PARP3: variants seen among roughly 807,000 people sequenced by gnomAD.
PARP3 encodes the protein protein mono-ADP-ribosyltransferase PARP3.
PARP3 carries 46 observed loss-of-function variants against 58.2 expected under a neutral mutation model. That is an observed-to-expected ratio of 0.79 (90% confidence interval 0.62 to 1.01). The LOEUF (loss-of-function observed/expected upper bound fraction) is 1.01. Among genes scored for constraint, PARP3 ranks in the 50% least tolerant of loss-of-function variants. The pLI, the probability that PARP3 is intolerant of heterozygous loss-of-function variation, is 0.00. For missense variants in PARP3, 663 were observed against 683.9 expected (o/e 0.97, Z 0.34); for synonymous variants, 252 against 266.4 (o/e 0.95, Z 0.53).
At position 51,943,291 on chromosome 3, in the gene PARP3, G is replaced by C. The variant is rs1336525207; in HGVS notation, c.-2-63G>C. The C allele has an allele frequency of 4.8e-6, 7 of 1,449,714 alleles. No individual in the cohort carries two copies. In the Admixed American group the frequency reaches 1.8e-4, roughly 37 times the overall value. The allele number at this position is 1,449,714 out of a possible 1,614,324, so 89.8% of individuals were successfully genotyped here. On this transcript the variant is annotated intron_variant, in intron 1 of 10. Transcript: ENST00000398755. Reference sequence around the variant, plus strand: ...GGCCCAGGGCAGGGGTGGGGACTGAGAGTGGGTCGTTGGGGATGAGGAGAC... The same window carrying C: ...GGCCCAGGGCAGGGGTGGGGACTGACAGTGGGTCGTTGGGGATGAGGAGAC...
In PARP3 at chr3:51,945,496, T is replaced by C. The variant is rs1699654580; in HGVS notation, c.863T>C (p.Val288Ala). The C allele has an allele frequency of 1.9e-6, 3 of 1,613,290 alleles. No homozygotes were observed. The highest frequency in any genetic ancestry group is 2.5e-6 in the Non-Finnish European group (3 of 1,179,710). Residue 288 changes from valine (V) to alanine (A), a missense_variant and splice_region_variant, in exon 7 of 11, where the codon GTG becomes GCG. Physicochemically the swap from Val to Ala is moderately conservative, Grantham distance 64. Around this residue, in one of 3 missense-constraint regions of PARP3, gnomAD observed 567 missense variants for 553.6 expected, o/e 1.02. Transcript: ENST00000398755. Reference sequence around the variant, plus strand: ...AACTGCCAGGGCCCATCATCCTAGGTGCTGGCGGACATCGAGCTGGCCCAG... The same window carrying C: ...AACTGCCAGGGCCCATCATCCTAGGCGCTGGCGGACATCGAGCTGGCCCAG... The part of the protein sequence containing the change: ...LLQAKKDMLL[V>A]LADIELAQAL...
intron 9 of PARP3, 42 bp from the exon 10 acceptor site, chr3:51,947,698 G>T (rs1265736821): frequency 6.2e-7 from 1 of 1,610,464 alleles, no homozygotes; most frequent in Non-Finnish European, 8.5e-7. Context: ...GTCAGCAGGA[G>T]GCAGGCTGAG....
At chr3:51,943,607 C>T (rs192352054) in intron 2 of PARP3, 69 bp downstream of exon 2, 1 of 1,420,506 alleles carries the variant, frequency 7.0e-7, no homozygotes, top group Non-Finnish European at 9.7e-7. Context: ...CAGGCCACCC[C>T]CTTAGGACTC....
At position 51,944,831 on chromosome 3, in the gene PARP3, G is replaced by A. The variant is rs780018178; in HGVS notation, c.555G>A (p.Leu185=). The A allele has an allele frequency of 6.2e-7, 1 of 1,613,920 alleles. No homozygotes were observed. The highest frequency in any genetic ancestry group is 8.5e-7 in the Non-Finnish European group (1 of 1,180,002). The change falls in exon 5 of 11, where the codon CTG becomes CTA. Residue 185 remains leucine, a synonymous_variant. Coordinates refer to ENST00000398755, the MANE Select transcript of PARP3 (RefSeq NM_001003931.4). The surrounding 1 kb of genome is among the most constrained non-coding windows in gnomAD (Gnocchi z 4.2). ...CTAAGCGGGTGCAGCCCTGCTCCCT[G>A]GACCCAGCCACGCAGAAGCTCATCA... ...TVTKRVQPCS[L]DPATQKLITN...
At position 51,946,387 on chromosome 3, in the gene PARP3, A is replaced by C. The variant is rs1257451559; in HGVS notation, c.1276+44A>C. 2.0e-6 allele frequency: 3 copies of C among 1,500,086 alleles called. No individual in the cohort carries two copies. The highest frequency in any genetic ancestry group is 2.8e-5 in the African/African-American group (2 of 72,030). 92.9% of individuals were successfully genotyped at this position (1,500,086 alleles called of 1,614,324 possible). A position where few individuals can be genotyped will look rare whatever the true frequency, so the allele number is the denominator to read the frequency against. Reference sequence around the variant, plus strand: ...CCAAGCCCTGGGAGGGTTGGCACTAAGATGGATTGGGCCCAGTCCTTGGCC... The same window carrying C: ...CCAAGCCCTGGGAGGGTTGGCACTACGATGGATTGGGCCCAGTCCTTGGCC... On this transcript the variant is annotated intron_variant, in intron 9 of 10. Transcript: ENST00000398755. The surrounding 1 kb of genome is among the most constrained non-coding windows in gnomAD (Gnocchi z 4.6).
chr3:51,943,161 G>C, intron 1 of PARP3, 193 bp from the exon 2 acceptor site: 1 of 940,350 alleles, frequency 1.1e-6, no homozygotes, highest in Non-Finnish European at 1.5e-6. Flanking sequence ...GAGTGACAAA[G>C]AGCTGGGTGT....
intron 1 of PARP3, 171 bp downstream of exon 1, chr3:51,942,879 C>G: frequency 7.0e-7 from 1 of 1,429,798 alleles, no homozygotes. Context: ...GGAGGATAAT[C>G]TGGCCCCAAG....
intron 10 of PARP3, 78 bp from the exon 11 acceptor site, chr3:51,948,233 G>A: frequency 7.3e-7 from 1 of 1,374,984 alleles, no homozygotes; most frequent in Non-Finnish European, 1.0e-6. Context: ...GACATGGAGA[G>A]CATAGGGGGC....
Position 51,945,212 on chromosome 3 carries a change from G to T in PARP3, c.849G>T (p.Lys283Asn), listed in dbSNP as rs1428714096. The change falls in exon 6 of 11, where the codon AAG becomes AAT. Residue 283 changes from lysine (K) to asparagine (N), a missense_variant. Lys to Asn is a moderately conservative substitution (Grantham distance 94). Transcript: ENST00000398755. ...INSPELLQAKKDMLLVLADIE... is the reference protein window; with the variant it reads ...INSPELLQAKNDMLLVLADIE... ...CCCCTGAGCTTCTGCAGGCCAAGAA[G>T]GACATGCTGCTGGTGAGGGCTGGCA... The T allele has an allele frequency of 6.8e-6, 11 of 1,613,730 alleles. No homozygotes were observed. The highest frequency in any genetic ancestry group is 9.3e-6 in the Non-Finnish European group (11 of 1,179,928).
rs1699679177 is a variant in PARP3 at position 51,946,441 on chromosome 3, G to A, written c.1276+98G>A. 1.2e-5 allele frequency: 12 copies of A among 1,009,602 alleles called. No homozygotes were observed. The highest frequency in any genetic ancestry group is 1.7e-5 in the Non-Finnish European group (12 of 691,428). 62.5% of individuals were successfully genotyped at this position (1,009,602 alleles called of 1,614,324 possible). On this transcript the variant is annotated intron_variant, in intron 9 of 10. Coordinates refer to ENST00000398755, the MANE Select transcript of PARP3 (RefSeq NM_001003931.4). This position sits in a 1 kb window ranked among gnomAD's most constrained non-coding sequence, Gnocchi z 4.6. ...GGAAATTCATGGTGAATCCAAGAGA[G>A]GAATCCTTTAATGGTTAATGACTAC...
Position 51,945,213 on chromosome 3 carries a change from G to T in PARP3, c.850G>T (p.Asp284Tyr), listed in dbSNP as rs780698146. Residue 284 changes from aspartate to tyrosine, a missense_variant, in exon 6 of 11, where the codon GAC (aspartate) becomes TAC (tyrosine). Asp to Tyr is a radical substitution (Grantham distance 160). Around this residue, in one of 3 missense-constraint regions of PARP3, gnomAD observed 567 missense variants for 553.6 expected, o/e 1.02. Coordinates refer to ENST00000398755, the MANE Select transcript of PARP3 (RefSeq NM_001003931.4). ...NSPELLQAKK[D>Y]MLLVLADIEL... Reference sequence around the variant, plus strand: ...CCCTGAGCTTCTGCAGGCCAAGAAGGACATGCTGCTGGTGAGGGCTGGCAG... The same window carrying T: ...CCCTGAGCTTCTGCAGGCCAAGAAGTACATGCTGCTGGTGAGGGCTGGCAG... 4 of 1,613,680 alleles carry T rather than the reference G, an allele frequency of 2.5e-6. No individual in the cohort carries two copies. In the East Asian group the frequency reaches 6.7e-5, roughly 27 times the overall value.
rs756882973 is a variant in PARP3 at position 51,948,484 on chromosome 3, C to T, written c.*4C>T. 1 of 1,613,288 alleles carries T rather than the reference C, an allele frequency of 6.2e-7. No individual in the cohort carries two copies. Among genetic ancestry groups the T allele is most frequent in the East Asian group, 2.2e-5 (1 of 44,876 alleles). ...CCTGCTGGAGGTCCACCTCTGAGTG[C>T]CCGCCCTGTCCCCCGGGGTCCTGCA... is the stretch of plus-strand genomic sequence containing the variant. On this transcript the variant is annotated 3_prime_UTR_variant, in exon 11 of 11. Transcript: ENST00000398755.
rs199619306 is a variant in PARP3, at chr3:51,948,449, G to A, written c.1571G>A (p.Arg524His). 4.2e-5 allele frequency: 68 copies of A among 1,613,966 alleles called. No individual in the cohort carries two copies. Among genetic ancestry groups the A allele is most frequent in the Admixed American group, 2.2e-4 (13 of 60,002 alleles). Residue 524 changes from arginine (R) to histidine (H), a missense_variant, in exon 11 of 11, where the codon CGC becomes CAC. This residue lies in a region of PARP3 where 88 missense variants were observed against 109.1 expected (regional missense o/e 0.81). Coordinates refer to ENST00000398755, the MANE Select transcript of PARP3 (RefSeq NM_001003931.4). The part of the protein sequence containing the change: ...EYLIYQESQC[R>H]LRYLLEVHL ...CTCATCTACCAGGAGAGCCAGTGTC[G>A]CCTGCGCTACCTGCTGGAGGTCCAC...
In PARP3 at chr3:51,944,306, A is replaced by AG. The variant is rs1325732710; in HGVS notation, c.313-81dup. 33 of 1,604,358 alleles carry AG rather than the reference A, an allele frequency of 2.1e-5. No individual in the cohort carries two copies. In the African/African-American group the frequency reaches 3.9e-4, roughly 19 times the overall value. ...TGGGGGGGCACCTCCCAACTGTCCC[A>AG]GGGCACTCAGCACAGGGCCTGGCCC... is the stretch of plus-strand genomic sequence containing the variant. On this transcript the variant is annotated intron_variant, in intron 3 of 10. Transcript: ENST00000398755. The surrounding 1 kb of genome is among the most constrained non-coding windows in gnomAD (Gnocchi z 4.2).
At position 51,944,586 on chromosome 3, in the gene PARP3, G is replaced by A; in HGVS notation, c.501+8G>A. 1.9e-6 allele frequency: 3 copies of A among 1,613,536 alleles called. No homozygotes were observed. Among genetic ancestry groups the A allele is most frequent in the Non-Finnish European group, 2.5e-6 (3 of 1,179,536 alleles). ...CAGGAAGCTGTGGTGAAGGTGAGAT[G>A]GCCAAGGAAGGTGGGCAGGCCCTGG... is the stretch of plus-strand genomic sequence containing the variant. On this transcript the variant is annotated splice_region_variant and intron_variant, in intron 4 of 10. Coordinates refer to ENST00000398755, the MANE Select transcript of PARP3 (RefSeq NM_001003931.4). This position sits in a 1 kb window ranked among gnomAD's most constrained non-coding sequence, Gnocchi z 4.2.
In PARP3 at chr3:51,944,042, C is replaced by T. The variant is rs1699609300; in HGVS notation, c.184-47C>T. 2 of 1,587,882 alleles carry T rather than the reference C, an allele frequency of 1.3e-6. No homozygotes were observed. Among genetic ancestry groups the T allele is most frequent in the African/African-American group, 2.7e-5 (2 of 74,464 alleles). On this transcript the variant is annotated intron_variant, in intron 2 of 10. Coordinates refer to ENST00000398755, the MANE Select transcript of PARP3 (RefSeq NM_001003931.4). The surrounding 1 kb of genome is among the most constrained non-coding windows in gnomAD (Gnocchi z 4.2). ...GCCCTCTCGGTGTACGGCCAGGCAC[C>T]CCATCTGACCCCAGCCAGCCTGCCC...
intron 1 of PARP3, 135 bp from the exon 2 acceptor site, chr3:51,943,219 A>G: frequency 1.0e-6 from 1 of 978,506 alleles, no homozygotes; most frequent in Non-Finnish European, 1.5e-6. Context: ...ATGCAGTGGG[A>G]GGCCACCGAA....
chr3:51,948,524 T>G lies in PARP3; in HGVS notation c.*44T>G, dbSNP rs1406430274. 6.4e-7 allele frequency: 1 copy of G among 1,561,688 alleles called. No homozygotes were observed. Among genetic ancestry groups the G allele is most frequent in the Non-Finnish European group, 8.8e-7 (1 of 1,135,784 alleles). ...GGGGTCCTGCAAGGCTGGACTGTGA[T>G]CTTCAATCATCCTGCCCATCTCTGG... On this transcript the variant is annotated 3_prime_UTR_variant, in exon 11 of 11. Transcript: ENST00000398755.
In PARP3 at chr3:51,942,557, T is replaced by C; in HGVS notation, c.-154T>C. The C allele has an allele frequency of 1.4e-6, 1 of 723,034 alleles. No homozygotes were observed. Among genetic ancestry groups the C allele is most frequent in the Non-Finnish European group, 2.6e-6 (1 of 391,060 alleles). The allele number at this position is 723,034 out of a possible 1,614,324, so 44.8% of individuals were successfully genotyped here. ...CCGATGTCTAATCCCCCACACAAGC[T>C]CATCCCCGGCCTCTGGCGATTGTTG... On this transcript the variant is annotated 5_prime_UTR_variant, in exon 1 of 11. Transcript: ENST00000398755.
Sources: allele counts gnomAD v4.1 joint callset, GRCh38; gene constraint gnomAD v4.1.1; regional missense constraint gnomAD v4.1.1; non-coding constraint Gnocchi (gnomAD v3.1); transcripts MANE v1.5; gene names NCBI Gene and HGNC (gene_info 2026-07-23, HGNC 2026-07-21).